Variants in DCC observed in about 807,000 individuals in gnomAD.
DCC encodes the protein DCC netrin 1 receptor.
In DCC, 58 loss-of-function variants were observed where a neutral mutation model predicts 172.5. The ratio of observed to expected loss-of-function variants is 0.34; its 90% CI spans 0.27 to 0.42. The LOEUF is 0.42. Ranked by LOEUF, DCC falls within the 10% of genes least tolerant of loss-of-function variation. DCC has a pLI of 1.00. For missense variants in DCC, 1,740 were observed against 1,791.0 expected, an observed-to-expected ratio of 0.97 and a Z score of 0.51; for synonymous variants, 709 against 644.5, an observed-to-expected ratio of 1.10 and a Z score of -1.52.
intron 25 of DCC, among the ~76,000 whole-genome samples, chr18:53,483,898 A>G (rs2045867414): frequency 6.6e-6 from 1 of 151,794 alleles, no homozygotes; most frequent in Admixed American, 6.6e-5. Context: ...TTATTGCATT[A>G]ATTCTATTCC....
intron 8 of DCC, among the ~76,000 whole-genome samples, chr18:53,160,619 T>C (rs2054821805): frequency 6.6e-6 from 1 of 152,182 alleles, no homozygotes; most frequent in African/African-American, 2.4e-5. Context: ...TCGTCTCACT[T>C]TAAATTCATA....
chr18:52,468,482 C>T (rs1003646806), intron 1 of DCC, among the ~76,000 whole-genome samples: 2 of 152,206 alleles, frequency 1.3e-5, no homozygotes, highest in African/African-American at 4.8e-5. Flanking sequence ...CATTGGCCAA[C>T]CTCATCCCAT....
intron 1 of DCC, among the ~76,000 whole-genome samples, chr18:52,442,527 T>A (rs1988000919): frequency 6.6e-6 from 1 of 152,184 alleles, no homozygotes; most frequent in South Asian, 2.1e-4. Flanking sequence ...AAACATCATA[T>A]GGCACCAGGA....
At chr18:53,068,488 C>T (rs1364616045) in intron 7 of DCC, among the ~76,000 whole-genome samples, 1 of 143,256 alleles carries the variant, frequency 7.0e-6, no homozygotes, top group Non-Finnish European at 1.5e-5. Context: ...TTGGCTGCTA[C>T]GCCAGTCACA....
intron 7 of DCC, among the ~76,000 whole-genome samples, chr18:53,147,223 A>G (rs2043929005): frequency 6.6e-6 from 1 of 152,208 alleles, no homozygotes; most frequent in South Asian, 2.1e-4. Context: ...AATGAGCTAC[A>G]TGAGTGATGA....
chr18:52,481,807 C>T (rs187603029), intron 1 of DCC, among the ~76,000 whole-genome samples: 2 of 151,704 alleles, frequency 1.3e-5, no homozygotes, highest in African/African-American at 2.4e-5. Flanking sequence ...CCCATGAGAT[C>T]GTTTTGAAGA....
At chr18:52,847,801 C>T (rs1159410978) in intron 2 of DCC, among the ~76,000 whole-genome samples, 3 of 152,190 alleles carry the variant, frequency 2.0e-5, no homozygotes, top group East Asian at 1.9e-4. Context: ...CTGAAAGAGA[C>T]GTACCCTAGT....
chr18:53,228,493 C>A (rs2056071175), intron 12 of DCC, among the ~76,000 whole-genome samples: 1 of 152,084 alleles, frequency 6.6e-6, no homozygotes, highest in East Asian at 1.9e-4. Context: ...CAAAAAACCT[C>A]AGCACTTCTA....
At chr18:52,567,877 T>C (rs918919142) in intron 1 of DCC, among the ~76,000 whole-genome samples, 5 of 152,230 alleles carry the variant, frequency 3.3e-5, no homozygotes, top group Non-Finnish European at 7.4e-5. Flanking sequence ...TTCTGTACTT[T>C]GACTGTGATG....
chr18:52,839,738 G>A (rs963389946), intron 2 of DCC, among the ~76,000 whole-genome samples: 1 of 152,176 alleles, frequency 6.6e-6, no homozygotes, highest in South Asian at 2.1e-4. Context: ...TTTCTGCAGT[G>A]CCTTTTCACC....
chr18:53,311,958 A>G (rs553461415), intron 13 of DCC, among the ~76,000 whole-genome samples: 2 of 152,138 alleles, frequency 1.3e-5, no homozygotes, highest in South Asian at 4.1e-4. Flanking sequence ...ATTAAAAGGG[A>G]TAGGAGAAAA....
At chr18:53,437,636 T>A (rs1311408044) in intron 22 of DCC, among the ~76,000 whole-genome samples, 1 of 145,774 alleles carries the variant, frequency 6.9e-6, no homozygotes, top group Non-Finnish European at 1.5e-5. Context: ...GAGGAGGGAC[T>A]TGTTGAGACA....
rs559790423 is a variant in DCC at position 53,013,545 on chromosome 18, G to C, written c.986-49760G>C. 2.0e-5 allele frequency among the ~76,000 whole-genome samples: 3 copies of C among 151,894 alleles called. No individual in the cohort carries two copies. The East Asian group carries it at 5.8e-4, about 30-fold the overall frequency. ...TCACACAACAGGGCATTATCGGGGG[G>C]TGGGGAGTGAGGGGAGTGAGAGCCT... On this transcript the variant is annotated intron_variant, in intron 5 of 28. Transcript: ENST00000442544.
chr18:52,663,108 G>T lies in DCC; in HGVS notation c.92-88946G>T, dbSNP rs551530806. Among the ~76,000 whole-genome samples, 107 of 152,304 alleles carry T rather than the reference G, an allele frequency of 7.0e-4. 1 individual carries two copies. Among genetic ancestry groups the T allele is most frequent in the Middle Eastern group, 3.4e-3 (1 of 294 alleles). On this transcript the variant is annotated intron_variant, in intron 1 of 28. Coordinates refer to ENST00000442544, the MANE Select transcript of DCC (RefSeq NM_005215.4). ...CACTGATAAAACAAAGACAGTTAAA[G>T]AATGTATTTCATGTCTTAGGAGAAA...
chr18:53,051,249 G>T (rs1324423415), intron 5 of DCC, among the ~76,000 whole-genome samples: 3 of 151,968 alleles, frequency 2.0e-5, no homozygotes, highest in Non-Finnish European at 4.4e-5. Context: ...ATACATACAT[G>T]TTCATGTTTT....
intron 2 of DCC, among the ~76,000 whole-genome samples, chr18:52,789,941 G>A (rs753283242): frequency 1.1e-4 from 16 of 152,216 alleles, no homozygotes; most frequent in Admixed American, 6.5e-4. Flanking sequence ...CAGGAGTCAC[G>A]CAGCTGAAGG....
At position 52,510,719 on chromosome 18, in the gene DCC, G is replaced by C. The variant is rs115039924; in HGVS notation, c.91+169841G>C. ...TGAAACATCTTTTTGTGCCCTTATCGTAGGGAATGTACTCTATTAGAAATA... is the reference window on the plus strand; with the variant it reads ...TGAAACATCTTTTTGTGCCCTTATCCTAGGGAATGTACTCTATTAGAAATA... On this transcript the variant is annotated intron_variant, in intron 1 of 28. Transcript: ENST00000442544. Among the ~76,000 whole-genome samples, 478 of 152,156 alleles carry C rather than the reference G, an allele frequency of 3.1e-3. 3 individuals carry two copies. Among genetic ancestry groups the C allele is most frequent in the African/African-American group, 0.011 (462 of 41,530 alleles).
chr18:53,091,569 C>T (rs1221815288), intron 7 of DCC, among the ~76,000 whole-genome samples: 1 of 151,374 alleles, frequency 6.6e-6, no homozygotes, highest in Non-Finnish European at 1.5e-5. Flanking sequence ...TGGTGAGGAC[C>T]CTTTTCTGGG....
At chr18:52,521,453 G>T (rs1223893874) in intron 1 of DCC, among the ~76,000 whole-genome samples, 1 of 152,096 alleles carries the variant, frequency 6.6e-6, no homozygotes, top group Non-Finnish European at 1.5e-5. Flanking sequence ...GGTCTGGTAG[G>T]GTTCAGTTTT....
Sources: gnomAD v4.1 joint callset for allele counts (sites outside exome capture counted in the v4.1 genomes callset) on GRCh38, gnomAD v4.1.1 for gene constraint, MANE v1.5 for transcripts, NCBI Gene and HGNC (gene_info 2026-07-23, HGNC 2026-07-21) for gene names.